Variants in TGFBR3 observed in about 807,000 individuals in gnomAD.
TGFBR3 encodes transforming growth factor beta receptor type 3.
TGFBR3 carries 46 observed loss-of-function variants against 87.9 expected under a neutral mutation model. The ratio of observed to expected loss-of-function variants is 0.52; its 90% confidence interval spans 0.41 to 0.67. The LOEUF (loss-of-function observed/expected upper bound fraction) is 0.67. Among genes scored for constraint, TGFBR3 ranks in the 30% least tolerant of loss-of-function variants. The probability of loss-of-function intolerance (pLI) is 0.00; values close to 1 mark genes in which losing one functional copy is unlikely to be tolerated. For missense variants in TGFBR3, 866 were observed against 1,041.9 expected (o/e 0.83, Z 2.32); for synonymous variants, 381 against 391.6 (o/e 0.97, Z 0.32).
chr1:91,882,528 A>C (rs1679132674), intron 1 of TGFBR3, among the ~76,000 whole-genome samples: 2 of 151,898 alleles, frequency 1.3e-5, no homozygotes. Context: ...GCGGATCACA[A>C]GGTCAGGAGA....
rs540146255 is a variant in TGFBR3 at position 91,752,059 on chromosome 1, A to C, written c.384+6554T>G. Among the ~76,000 whole-genome samples the C allele has an allele frequency of 1.4e-4, 22 of 152,286 alleles. No homozygotes were observed. In the East Asian group the frequency reaches 4.2e-3, roughly 29 times the overall value. The stretch of plus-strand genomic sequence containing the variant: ...GATTTTTTTTCCCGATGATGTATAT[A>C]ACTAGTTAGTGGCAGAGCCAAGACT... On this transcript the variant is annotated intron_variant, in intron 4 of 16. Coordinates refer to ENST00000212355, the MANE Select transcript of TGFBR3 (RefSeq NM_003243.5).
chr1:91,802,772 C>T (rs1037959282), intron 2 of TGFBR3, among the ~76,000 whole-genome samples: 3 of 152,108 alleles, frequency 2.0e-5, no homozygotes, highest in African/African-American at 7.2e-5. Context: ...CTTTACCCCT[C>T]GTGCCTGTTG....
chr1:91,826,155 C>G (rs1383562034), intron 2 of TGFBR3, among the ~76,000 whole-genome samples: 2 of 151,994 alleles, frequency 1.3e-5, no homozygotes, highest in African/African-American at 4.8e-5. Context: ...AGCTATACTC[C>G]CAGAGTCGAG....
rs140063728 is a variant in TGFBR3, at chr1:91,825,564, G to A, written c.62-28093C>T. Among the ~76,000 whole-genome samples the A allele has an allele frequency of 4.0e-3, 615 of 152,270 alleles. 4 individuals are homozygous for A. The highest frequency in any genetic ancestry group is 5.8e-3 in the Non-Finnish European group (397 of 68,016). The stretch of plus-strand genomic sequence containing the variant: ...AAAATGTTCTAAAATTGACTGTGGT[G>A]GCAGCTGCACAACTCTGATAACATA... On this transcript the variant is annotated intron_variant, in intron 2 of 16. Coordinates refer to ENST00000212355, the MANE Select transcript of TGFBR3 (RefSeq NM_003243.5).
At chr1:91,875,336 G>A (rs900626686) in intron 1 of TGFBR3, among the ~76,000 whole-genome samples, 1 of 152,144 alleles carries the variant, frequency 6.6e-6, no homozygotes, top group African/African-American at 2.4e-5. Context: ...CACTGTGGAG[G>A]CTGTGGACCA....
intron 13 of TGFBR3, among the ~76,000 whole-genome samples, chr1:91,710,325 CA>C (rs1370814330): frequency 6.6e-6 from 1 of 152,164 alleles, no homozygotes; most frequent in Non-Finnish European, 1.5e-5. Flanking sequence ...AGAAAAACAA[CA>C]AATTTTCTGT....
At chr1:91,744,065 CATTAAT>C (rs1673247231) in intron 4 of TGFBR3, among the ~76,000 whole-genome samples, 5 of 149,960 alleles carry the variant, frequency 3.3e-5, no homozygotes, top group Admixed American at 2.0e-4. Flanking sequence ...AACAAAGTGT[CATTAAT>C]ATTAATTTTA....
chr1:91,806,355 C>T (rs1433580180), intron 2 of TGFBR3, among the ~76,000 whole-genome samples: 1 of 152,098 alleles, frequency 6.6e-6, no homozygotes, highest in Admixed American at 6.5e-5. Context: ...CTCCAAAACT[C>T]GACAGAACGC....
At chr1:91,885,819 G>A (rs1025636926) in intron 1 of TGFBR3, 59 bp downstream of exon 1, 1 of 238,342 alleles carries the variant, frequency 4.2e-6, no homozygotes, top group African/African-American at 2.4e-5. Context: ...CACCCGCGCA[G>A]CCTGCAGAGC....
chr1:91,695,855 A>G, intron 15 of TGFBR3, 76 bp from the exon 16 acceptor site: 1 of 1,164,614 alleles, frequency 8.6e-7, no homozygotes, highest in Non-Finnish European at 1.3e-6. Flanking sequence ...TATTTGTTTC[A>G]CAAGCACTGT....
chr1:91,886,339 T>C, upstream of TGFBR3: 1 of 364,066 alleles, frequency 2.7e-6, no homozygotes, highest in Non-Finnish European at 5.4e-6. Context: ...CCTCCCCCTT[T>C]GCCTCCGCGG....
intron 2 of TGFBR3, 151 bp from the exon 3 acceptor site, chr1:91,797,622 T>C (rs1245074326): frequency 2.5e-6 from 2 of 785,952 alleles, no homozygotes; most frequent in Non-Finnish European, 4.4e-6. Flanking sequence ...CTAGCCTATC[T>C]TCTAAAATCC....
At chr1:91,900,699 TCCA>T in intron 1 of TGFBR3, among the ~76,000 whole-genome samples, 1 of 152,230 alleles carries the variant, frequency 6.6e-6, no homozygotes. Context: ...TCTTGCATAA[TCCA>T]CAAGGTGGTC....
rs1670866977 is a variant in TGFBR3 at position 91,680,359 on chromosome 1, A to ATCT, written c.*3377_*3379dup. ...AGACACATATTAATAACTGATATAT[A>ATCT]TCTTTTTATTATGCACAGATAAAAG... On this transcript the variant is annotated 3_prime_UTR_variant, in exon 17 of 17. Coordinates refer to ENST00000212355, the MANE Select transcript of TGFBR3 (RefSeq NM_003243.5). The ATCT allele has an allele frequency of 2.3e-6, 1 of 436,638 alleles. No homozygotes were observed. Among genetic ancestry groups the ATCT allele is most frequent in the Admixed American group, 2.6e-5 (1 of 38,550 alleles). 27.0% of individuals were successfully genotyped at this position (436,638 alleles called of 1,614,324 possible). A position where few individuals can be genotyped will look rare whatever the true frequency, so the allele number is the denominator to read the frequency against.
intron 2 of TGFBR3, among the ~76,000 whole-genome samples, chr1:91,829,479 A>C (rs2101081860): frequency 6.6e-6 from 1 of 152,210 alleles, no homozygotes; most frequent in South Asian, 2.1e-4. Context: ...TGGTTCTGAC[A>C]AAGTGACACC....
At chr1:91,738,121 C>A (rs997243705) in intron 4 of TGFBR3, among the ~76,000 whole-genome samples, 1 of 152,206 alleles carries the variant, frequency 6.6e-6, no homozygotes, top group Admixed American at 6.5e-5. Context: ...GGTGCTACAG[C>A]AGCCTACAGG....
At chr1:91,708,930 G>A in intron 13 of TGFBR3, 147 bp from the exon 14 acceptor site, 1 of 1,153,164 alleles carries the variant, frequency 8.7e-7, no homozygotes, top group Non-Finnish European at 1.3e-6. Context: ...GTTTTTCAGA[G>A]AACACCAAAT....
intron 10 of TGFBR3, 96 bp downstream of exon 10, chr1:91,719,216 C>A (rs1000131003): frequency 7.7e-6 from 12 of 1,560,044 alleles, no homozygotes; most frequent in East Asian, 4.5e-5. Context: ...GGGGTGAAAA[C>A]CCTCTTCATC....
intron 4 of TGFBR3, among the ~76,000 whole-genome samples, chr1:91,744,129 G>A (rs1673250698): frequency 6.8e-6 from 1 of 146,898 alleles, no homozygotes; most frequent in African/African-American, 2.5e-5. Context: ...TCATCACCCA[G>A]GCTGGAGTGT....
Sources: allele counts gnomAD v4.1 joint callset (sites outside exome capture counted in the v4.1 genomes callset), GRCh38; gene constraint gnomAD v4.1.1; transcripts MANE v1.5; gene names NCBI Gene and HGNC (gene_info 2026-07-23, HGNC 2026-07-21).